Variants in VAV1 observed in about 807,000 individuals in gnomAD.
The protein encoded by VAV1 is vav guanine nucleotide exchange factor 1.
A neutral mutation model predicts 128.1 loss-of-function variants in VAV1; 33 were observed. That is an observed-to-expected ratio of 0.26 (90% CI 0.20 to 0.34). The LOEUF (loss-of-function observed/expected upper bound fraction) is 0.34. VAV1 is among the 10% of genes least tolerant of loss of function. The pLI is 1.00. For synonymous variants in VAV1, 394 were observed against 409.8 expected (o/e 0.96, Z 0.47); for missense variants, 715 against 1,093.7 (o/e 0.65, Z 4.88).
intron 24 of VAV1, among the ~76,000 whole-genome samples, chr19:6,852,117 G>A (rs1036029451): frequency 1.3e-5 from 2 of 152,118 alleles, no homozygotes; most frequent in African/African-American, 2.4e-5. Context: ...GGGCTCAGGC[G>A]ATCCTCCCTC....
chr19:6,828,669 G>A lies in VAV1; in HGVS notation c.1140G>A (p.Leu380=). 1.2e-6 allele frequency: 2 copies of A among 1,614,174 alleles called. No homozygotes were observed. The highest frequency in any genetic ancestry group is 8.5e-7 in the Non-Finnish European group (1 of 1,180,026). The change falls in exon 12 of 27, where the codon CTG becomes CTA. Residue 380 remains leucine (L), a synonymous_variant. Transcript: ENST00000602142. This position sits in a 1 kb window ranked among gnomAD's most constrained non-coding sequence, Gnocchi z 4.5. The stretch of plus-strand genomic sequence containing the variant: ...AGGTCAAGCGAGACAACGAGACACT[G>A]CGACAGATCACCAATTTCCAGCTGT... ...VNEVKRDNET[L]RQITNFQLSI...
intron 26 of VAV1, among the ~76,000 whole-genome samples, chr19:6,856,252 G>A (rs561183144): frequency 9.2e-5 from 14 of 151,838 alleles, no homozygotes; most frequent in Non-Finnish European, 1.3e-4. Context: ...AGCTGAGATC[G>A]CGCCACTGCA....
intron 1 of VAV1, among the ~76,000 whole-genome samples, chr19:6,774,819 A>G (rs1039178890): frequency 3.5e-4 from 53 of 151,346 alleles, no homozygotes; most frequent in African/African-American, 1.2e-3. Context: ...CGGTGGTGCA[A>G]TCTTGGCTCA....
rs1255542793 is a variant in VAV1, at chr19:6,836,485, G to A, written c.1831G>A (p.Gly611Arg). The change falls in exon 20 of 27, where the codon GGA becomes AGA. Residue 611 changes from glycine (G) to arginine (R), a missense_variant. Physicochemically the swap from Gly to Arg is moderately radical, Grantham distance 125 (BLOSUM62 -2). Around this residue, in one of 3 missense-constraint regions of VAV1, gnomAD observed 407 missense variants for 580.6 expected, o/e 0.70. Coordinates refer to ENST00000602142, the MANE Select transcript of VAV1 (RefSeq NM_005428.4). ...ATACTACGGGCTTCCTCCACCCCCTGGAGCCATTGGACCCTTTCTACGGCT... is the reference window on the plus strand; with the variant it reads ...ATACTACGGGCTTCCTCCACCCCCTAGAGCCATTGGACCCTTTCTACGGCT... ...QEYYGLPPPP[G>R]AIGPFLRLNP... is the part of the protein sequence containing the mutation. 1.2e-6 allele frequency: 2 copies of A among 1,614,080 alleles called. No homozygotes were observed. The highest frequency in any genetic ancestry group is 2.2e-5 in the East Asian group (1 of 44,872).
At chr19:6,814,453 T>G (rs1432954918) in intron 1 of VAV1, among the ~76,000 whole-genome samples, 2 of 152,130 alleles carry the variant, frequency 1.3e-5, no homozygotes, top group African/African-American at 4.8e-5. Flanking sequence ...TTTTTTTAAT[T>G]TGTGAGTTAT....
In VAV1 at chr19:6,813,441, ATGTGG is replaced by A. The variant is rs1248869578; in HGVS notation, c.205-7260_205-7256del. 3.9e-5 allele frequency among the ~76,000 whole-genome samples: 6 copies of A among 152,184 alleles called. 1 individual carries two copies. The highest frequency in any genetic ancestry group is 1.4e-4 in the African/African-American group (6 of 41,450). The stretch of plus-strand genomic sequence containing the variant: ...GTGACACATGGCCAGTCTTGGTTCA[ATGTGG>A]GAGGGGATTACAAAAAGGCATCTTA... On this transcript the variant is annotated intron_variant, in intron 1 of 26. Transcript: ENST00000602142.
chr19:6,824,674 C>A (rs551117999), intron 6 of VAV1, among the ~76,000 whole-genome samples: 1 of 152,000 alleles, frequency 6.6e-6, no homozygotes, highest in Admixed American at 6.6e-5. Context: ...TGGGATCACA[C>A]GCATCTGCCA....
At chr19:6,814,637 C>CCTTCCTTCCTTCCTTCCT (rs1971581742) in intron 1 of VAV1, among the ~76,000 whole-genome samples, 1 of 82,034 alleles carries the variant, frequency 1.2e-5, no homozygotes, top group African/African-American at 6.5e-5. Flanking sequence ...TTTTCTTTCT[C>CCTTCCTTCCTTCCTTCCT]TCCTTCCTTC....
In VAV1 at chr19:6,828,323, G is replaced by C. The variant is rs529178627; in HGVS notation, c.1024-96G>C. The stretch of plus-strand genomic sequence containing the variant: ...TCTCAGCCTCCAGGGTCAGCAGTAC[G>C]ATGGAGGAGCTGGTGAGCTAGCATT... On this transcript the variant is annotated intron_variant, in intron 10 of 26. Transcript: ENST00000602142. This position sits in a 1 kb window ranked among gnomAD's most constrained non-coding sequence, Gnocchi z 4.5. 1.9e-6 allele frequency: 3 copies of C among 1,550,102 alleles called. No individual in the cohort carries two copies. Among genetic ancestry groups the C allele is most frequent in the African/African-American group, 1.4e-5 (1 of 73,702 alleles).
chr19:6,785,021 C>A (rs1054793469), intron 1 of VAV1, among the ~76,000 whole-genome samples: 4 of 152,224 alleles, frequency 2.6e-5, no homozygotes, highest in Non-Finnish European at 5.9e-5. Flanking sequence ...CCCTCTCTAC[C>A]CATTGCTCTC....
At chr19:6,836,901 G>A (rs113421178) in intron 20 of VAV1, 84 bp from the exon 21 acceptor site, 67 of 1,356,754 alleles carry the variant, frequency 4.9e-5, no homozygotes, top group Admixed American at 2.7e-4. Context: ...CAGGATCCAC[G>A]TGTAGGGTTA....
chr19:6,849,861 G>A (rs1972622098), intron 23 of VAV1, among the ~76,000 whole-genome samples: 1 of 152,142 alleles, frequency 6.6e-6, no homozygotes, highest in African/African-American at 2.4e-5. Context: ...GTCGATCCAT[G>A]TCTTTGCTAT....
At chr19:6,824,048 CT>C (rs1337437712) in intron 6 of VAV1, among the ~76,000 whole-genome samples, 1 of 152,094 alleles carries the variant, frequency 6.6e-6, no homozygotes, top group East Asian at 1.9e-4. Context: ...AGTGATCCCC[CT>C]GCCTTAACCT....
chr19:6,825,765 C>T (rs1405126866), intron 8 of VAV1, among the ~76,000 whole-genome samples: 1 of 152,128 alleles, frequency 6.6e-6, no homozygotes, highest in Non-Finnish European at 1.5e-5. Context: ...TGGCTAATGC[C>T]TGTAATCCCA....
chr19:6,821,362 C>T (rs186037429), intron 2 of VAV1, among the ~76,000 whole-genome samples: 34 of 152,088 alleles, frequency 2.2e-4, no homozygotes, highest in Middle Eastern at 3.4e-3. Context: ...GATGGTGCCA[C>T]TGCACTCCAG....
chr19:6,826,838 C>G lies in VAV1; in HGVS notation c.927+127C>G, dbSNP rs912416650. ...GCCCAGCCAGAGATCCACCAAAGGA[C>G]TAGGGAGGGAGGTACTAGCCAGCCA... On this transcript the variant is annotated intron_variant, in intron 9 of 26. Coordinates refer to ENST00000602142, the MANE Select transcript of VAV1 (RefSeq NM_005428.4). The surrounding 1 kb of genome is among the most constrained non-coding windows in gnomAD (Gnocchi z 4.1). 5 of 758,230 alleles carry G rather than the reference C, an allele frequency of 6.6e-6. No individual in the cohort carries two copies. In the Admixed American group the frequency reaches 6.8e-5, roughly 10 times the overall value. The allele number at this position is 758,230 out of a possible 1,614,324, so 47.0% of individuals were successfully genotyped here. A position where few individuals can be genotyped will look rare whatever the true frequency, so the allele number is the denominator to read the frequency against.
At chr19:6,850,081 A>G (rs907229415) in intron 23 of VAV1, among the ~76,000 whole-genome samples, 1 of 150,940 alleles carries the variant, frequency 6.6e-6, no homozygotes, top group African/African-American at 2.4e-5. Flanking sequence ...CTTCTCTCAC[A>G]TGCTGCTGAG....
At chr19:6,847,397 A>T (rs1474297702) in intron 22 of VAV1, among the ~76,000 whole-genome samples, 1 of 152,046 alleles carries the variant, frequency 6.6e-6, no homozygotes, top group Admixed American at 6.6e-5. Context: ...CTATGAATGG[A>T]AATCACACAG....
chr19:6,835,000 G>A (rs528314475), intron 19 of VAV1, among the ~76,000 whole-genome samples: 8 of 151,672 alleles, frequency 5.3e-5, no homozygotes, highest in African/African-American at 1.7e-4. Context: ...CCATGATCAC[G>A]CCACTGCACG....
Sources: gnomAD v4.1 joint callset for allele counts (sites outside exome capture counted in the v4.1 genomes callset) on GRCh38, gnomAD v4.1.1 for gene constraint, gnomAD v4.1.1 regional missense constraint, Gnocchi (gnomAD v3.1) non-coding constraint, MANE v1.5 for transcripts, NCBI Gene and HGNC (gene_info 2026-07-23, HGNC 2026-07-21) for gene names.